DNTTIP1: variants seen among roughly 807,000 people sequenced by gnomAD.
The protein encoded by DNTTIP1 is deoxynucleotidyltransferase terminal interacting protein 1.
A neutral mutation model predicts 52.9 loss-of-function variants in DNTTIP1; 22 were observed. The ratio of observed to expected loss-of-function variants is 0.42; its 90% CI spans 0.30 to 0.59. DNTTIP1 has a LOEUF of 0.59. DNTTIP1 is among the 20% of genes least tolerant of loss of function. The pLI, the probability that DNTTIP1 is intolerant of heterozygous loss-of-function variation, is 0.22. For synonymous variants in DNTTIP1, 136 were observed against 155.1 expected (o/e 0.88, Z 0.92); for missense variants, 286 against 435.5 (o/e 0.66, Z 3.06).
intron 7 of DNTTIP1, chr20:45,803,100 T>C (rs763285540): frequency 2.0e-5 from 10 of 499,330 alleles, no homozygotes; most frequent in Non-Finnish European, 3.6e-5. Context: ...AAACTGCCAC[T>C]CAGAGGTTCT....
chr20:45,800,704 T>A (rs1195815311), intron 4 of DNTTIP1, among the ~76,000 whole-genome samples: 36 of 1,598 alleles, frequency 0.023, 3 homozygotes, highest in East Asian at 0.042. Context: ...AATATATATA[T>A]ATATATATAT....
chr20:45,801,899 C>G, intron 6 of DNTTIP1, 100 bp from the exon 7 acceptor site: 1 of 1,177,002 alleles, frequency 8.5e-7, no homozygotes, highest in South Asian at 1.2e-5. Flanking sequence ...ATCATTTGAT[C>G]TCTTTGGAAA....
At chr20:45,800,831 CA>C (rs1378841366) in intron 4 of DNTTIP1, among the ~76,000 whole-genome samples, 1 of 143,536 alleles carries the variant, frequency 7.0e-6, no homozygotes, top group African/African-American at 2.6e-5. Context: ...CCGTCTCTTC[CA>C]AAAATACAAA....
chr20:45,806,070 CTG>C (rs1389381710), intron 10 of DNTTIP1, among the ~76,000 whole-genome samples: 3 of 144,430 alleles, frequency 2.1e-5, no homozygotes, highest in African/African-American at 7.8e-5. Context: ...TAAAATAACT[CTG>C]GGGTCTGGCA....
Position 45,798,484 on chromosome 20 carries a change from T to A in DNTTIP1, c.373-2590T>A, listed in dbSNP as rs978027444. 5.3e-5 allele frequency among the ~76,000 whole-genome samples: 8 copies of A among 151,536 alleles called. No individual in the cohort carries two copies. The East Asian group carries it at 7.7e-4, about 15-fold the overall frequency. ...GTACCCTAAAACTTAAAGTATAATT[T>A]AAAAAAAAATGCCTTACCATGACCC... On this transcript the variant is annotated intron_variant, in intron 4 of 12. Coordinates refer to ENST00000372622, the MANE Select transcript of DNTTIP1 (RefSeq NM_052951.3).
At chr20:45,795,086 C>A (rs902009551) in intron 3 of DNTTIP1, among the ~76,000 whole-genome samples, 4 of 152,132 alleles carry the variant, frequency 2.6e-5, no homozygotes, top group African/African-American at 9.7e-5. Context: ...GTGTGAGCCA[C>A]CGCGCCCGTC....
At position 45,792,333 on chromosome 20, in the gene DNTTIP1, G is replaced by T. The variant is rs565217437; in HGVS notation, c.105+224G>T. ...GTCCCAGGATCCTCTTCTATAAAAT[G>T]GAAATGATTAGTACCTGTCTCATAA... On this transcript the variant is annotated intron_variant, in intron 1 of 12. Coordinates refer to ENST00000372622, the MANE Select transcript of DNTTIP1 (RefSeq NM_052951.3). 5.3e-5 allele frequency among the ~76,000 whole-genome samples: 8 copies of T among 152,328 alleles called. No individual in the cohort carries two copies. The South Asian group carries it at 1.7e-3, about 32-fold the overall frequency.
chr20:45,801,606 T>G, intron 6 of DNTTIP1, 148 bp downstream of exon 6: 1 of 772,374 alleles, frequency 1.3e-6, no homozygotes, highest in South Asian at 1.7e-5. Context: ...CTGGGTAACA[T>G]AGTGAGACCC....
rs1004011671 is a variant in DNTTIP1 at position 45,809,509 on chromosome 20, G to A, written c.795+324G>A. On this transcript the variant is annotated intron_variant, in intron 11 of 12. Coordinates refer to ENST00000372622, the MANE Select transcript of DNTTIP1 (RefSeq NM_052951.3). The surrounding 1 kb of genome is among the most constrained non-coding windows in gnomAD (Gnocchi z 4.2). ...ACTTTTTCCCACTACTGCACCCACT[G>A]ACAGATTTCACTCATTGATCACTCT... Among the ~76,000 whole-genome samples the A allele has an allele frequency of 8.5e-5, 13 of 152,178 alleles. No homozygotes were observed. The highest frequency in any genetic ancestry group is 3.1e-4 in the African/African-American group (13 of 41,440).
intron 4 of DNTTIP1, among the ~76,000 whole-genome samples, chr20:45,795,684 A>G (rs936946076): frequency 2.0e-5 from 3 of 152,142 alleles, no homozygotes; most frequent in Admixed American, 1.3e-4. Flanking sequence ...CTATAATCCT[A>G]GCTGCTTGGG....
In DNTTIP1 at chr20:45,811,130, A is replaced by G; in HGVS notation, c.925A>G (p.Lys309Glu). 1 of 1,614,194 alleles carries G rather than the reference A, an allele frequency of 6.2e-7. No homozygotes were observed. The highest frequency in any genetic ancestry group is 1.6e-4 in the Middle Eastern group (1 of 6,062). ...LPSWMVEKMR[K>E]YMETLRTENE... Reference sequence around the variant, plus strand: ...CTCCTGGATGGTGGAGAAGATGAGAAAGTATATGGAGACACTACGGACAGA... The same window carrying G: ...CTCCTGGATGGTGGAGAAGATGAGAGAGTATATGGAGACACTACGGACAGA... Residue 309 changes from lysine (K) to glutamate (E), a missense_variant, in exon 13 of 13, where the codon AAG becomes GAG. Transcript: ENST00000372622.
chr20:45,811,363 C>G lies in DNTTIP1; in HGVS notation c.*168C>G. ...AGCACCCCCAGACTAGCATGTGGTT[C>G]TATATTTGTAAAGTTATTGGGATAA... On this transcript the variant is annotated 3_prime_UTR_variant, in exon 13 of 13. Coordinates refer to ENST00000372622, the MANE Select transcript of DNTTIP1 (RefSeq NM_052951.3). 1 of 650,364 alleles carries G rather than the reference C, an allele frequency of 1.5e-6. No homozygotes were observed. Among genetic ancestry groups the G allele is most frequent in the Non-Finnish European group, 2.5e-6 (1 of 404,606 alleles). The allele number at this position is 650,364 out of a possible 1,614,324, so 40.3% of individuals were successfully genotyped here.
rs1299685909 is a variant in DNTTIP1 at position 45,811,291 on chromosome 20, A to G, written c.*96A>G. Reference sequence around the variant, plus strand: ...CTGGGACTGCTCCTAGATGGATCTCAGCGGCATTAAGCTGTGCCTGAGCGA... The same window carrying G: ...CTGGGACTGCTCCTAGATGGATCTCGGCGGCATTAAGCTGTGCCTGAGCGA... On this transcript the variant is annotated 3_prime_UTR_variant, in exon 13 of 13. Transcript: ENST00000372622. 2.8e-6 allele frequency: 4 copies of G among 1,410,704 alleles called. No individual in the cohort carries two copies. The highest frequency in any genetic ancestry group is 3.8e-6 in the Non-Finnish European group (4 of 1,049,628). 87.4% of individuals were successfully genotyped at this position (1,410,704 alleles called of 1,614,324 possible). A position where few individuals can be genotyped will look rare whatever the true frequency, so the allele number is the denominator to read the frequency against.
intron 4 of DNTTIP1, 109 bp downstream of exon 4, chr20:45,795,552 A>G (rs1400631477): frequency 1.5e-6 from 1 of 649,228 alleles, no homozygotes; most frequent in Non-Finnish European, 2.6e-6. Context: ...TAATCCCAGC[A>G]CTGTGGGAGG....
chr20:45,805,765 C>T (rs1981617043), intron 10 of DNTTIP1, among the ~76,000 whole-genome samples: 1 of 152,184 alleles, frequency 6.6e-6, no homozygotes, highest in Non-Finnish European at 1.5e-5. Context: ...GAGCTCTTAA[C>T]CACTACCATA....
At chr20:45,795,692 G>C (rs1401777644) in intron 4 of DNTTIP1, among the ~76,000 whole-genome samples, 1 of 152,180 alleles carries the variant, frequency 6.6e-6, no homozygotes, top group Admixed American at 6.5e-5. Context: ...CTAGCTGCTT[G>C]GGAGCCATAG....
chr20:45,806,492 C>A (rs1450398619), intron 10 of DNTTIP1, among the ~76,000 whole-genome samples: 1 of 152,228 alleles, frequency 6.6e-6, no homozygotes, highest in Non-Finnish European at 1.5e-5. Context: ...CTCACTCACC[C>A]TCTTAGATGA....
rs1346476948 is a variant in DNTTIP1, at chr20:45,801,395, C to A, written c.442-7C>A. ...CCTTCCACTGACTCCCTTCCCTTTT[C>A]TTTTAGCGTGGCCGTCAGGCAGAAG... On this transcript the variant is annotated splice_polypyrimidine_tract_variant and splice_region_variant and intron_variant, in intron 5 of 12. Transcript: ENST00000372622. 1 of 1,614,046 alleles carries A rather than the reference C, an allele frequency of 6.2e-7. No individual in the cohort carries two copies. Among genetic ancestry groups the A allele is most frequent in the Non-Finnish European group, 8.5e-7 (1 of 1,180,024 alleles).
At chr20:45,797,915 T>G (rs1222227324) in intron 4 of DNTTIP1, among the ~76,000 whole-genome samples, 1 of 152,180 alleles carries the variant, frequency 6.6e-6, no homozygotes, top group East Asian at 1.9e-4. Context: ...ATTGTGGAAG[T>G]CAGTGTGGCG....
Sources: allele counts gnomAD v4.1 joint callset (sites outside exome capture counted in the v4.1 genomes callset), GRCh38; gene constraint gnomAD v4.1.1; non-coding constraint Gnocchi (gnomAD v3.1); transcripts MANE v1.5; gene names NCBI Gene and HGNC (gene_info 2026-07-23, HGNC 2026-07-21).